The following ARID4B variants were observed in gnomAD, a reference collection of about 807,000 sequenced individuals.
ARID4B encodes AT-rich interaction domain 4B.
ARID4B carries 26 observed loss-of-function variants against 147.5 expected under a neutral mutation model. That is an observed-to-expected ratio of 0.18 (90% CI 0.13 to 0.24). The LOEUF is 0.24. ARID4B is among the 10% of genes least tolerant of loss of function. ARID4B has a pLI of 1.00. For missense variants in ARID4B, 1,179 were observed against 1,511.5 expected (o/e 0.78, Z 3.65); for synonymous variants, 512 against 507.9 (o/e 1.01, Z -0.11).
chr1:235,198,418 T>C (rs1258711227), intron 17 of ARID4B, among the ~76,000 whole-genome samples: 1 of 152,208 alleles, frequency 6.6e-6, no homozygotes, highest in Admixed American at 6.5e-5. Context: ...TACTGCCTCA[T>C]GGGTAAGGCC....
chr1:235,321,555 G>C (rs1029392934), intron 2 of ARID4B, among the ~76,000 whole-genome samples: 2 of 152,196 alleles, frequency 1.3e-5, no homozygotes, highest in Non-Finnish European at 2.9e-5. Flanking sequence ...GCCCAGGCTG[G>C]AGTGCAGTGG....
intron 1 of ARID4B, chr1:235,327,549 C>T (rs1354329207): frequency 6.6e-6 from 1 of 152,212 alleles, no homozygotes; most frequent in African/African-American, 2.4e-5. Flanking sequence ...TGCCCGGGCC[C>T]CCGACCGCGG....
intron 2 of ARID4B, among the ~76,000 whole-genome samples, chr1:235,288,124 A>G (rs185362001): frequency 1.2e-3 from 178 of 152,360 alleles, no homozygotes; most frequent in African/African-American, 4.2e-3. Flanking sequence ...AGGCTGGCCA[A>G]CATGGCGAAA....
At chr1:235,277,546 A>T (rs1216644456) in intron 2 of ARID4B, among the ~76,000 whole-genome samples, 21 of 141,284 alleles carry the variant, frequency 1.5e-4, no homozygotes, top group Middle Eastern at 3.6e-3. Flanking sequence ...CAAAAAAAAA[A>T]AAAAATAATA....
At chr1:235,283,356 C>T (rs557329403) in intron 2 of ARID4B, among the ~76,000 whole-genome samples, 1 of 152,190 alleles carries the variant, frequency 6.6e-6, no homozygotes, top group Admixed American at 6.5e-5. Flanking sequence ...ATAAACTTAC[C>T]TACTAATTCA....
intron 2 of ARID4B, among the ~76,000 whole-genome samples, chr1:235,323,040 CTTT>C (rs779535005): frequency 1.4e-4 from 20 of 139,252 alleles, no homozygotes; most frequent in African/African-American, 4.2e-4. Flanking sequence ...ATATAACCAC[CTTT>C]TTTTTTTTTT....
chr1:235,304,540 G>C (rs1230321762), intron 2 of ARID4B, among the ~76,000 whole-genome samples: 5 of 152,128 alleles, frequency 3.3e-5, no homozygotes, highest in Non-Finnish European at 5.9e-5. Context: ...GTATCTTAGA[G>C]ATTAAGACAG....
chr1:235,169,361 C>G (rs193260695), intron 23 of ARID4B, among the ~76,000 whole-genome samples: 76 of 151,648 alleles, frequency 5.0e-4, no homozygotes, highest in Admixed American at 4.7e-3. Context: ...CTGCCTCAGC[C>G]CCCCCAGTAG....
At chr1:235,296,723 G>A (rs1285985330) in intron 2 of ARID4B, among the ~76,000 whole-genome samples, 5 of 147,474 alleles carry the variant, frequency 3.4e-5, no homozygotes, top group Admixed American at 6.9e-5. Flanking sequence ...GCCTCCCAGA[G>A]TGCTTAGGTT....
At chr1:235,321,019 T>C (rs1427469972) in intron 2 of ARID4B, among the ~76,000 whole-genome samples, 2 of 152,152 alleles carry the variant, frequency 1.3e-5, no homozygotes, top group African/African-American at 4.8e-5. Context: ...TAGTAGAAAG[T>C]AAACTCCACG....
At chr1:235,221,884 C>CTTTTTTTTTTTTT (rs1370136402) in intron 13 of ARID4B, among the ~76,000 whole-genome samples, 1 of 78,552 alleles carries the variant, frequency 1.3e-5, no homozygotes. Flanking sequence ...AGTCATTTGA[C>CTTTTTTTTTTTTT]TATTTTTTTT....
intron 17 of ARID4B, among the ~76,000 whole-genome samples, chr1:235,211,707 C>T (rs1354677986): frequency 6.6e-6 from 1 of 152,134 alleles, no homozygotes; most frequent in African/African-American, 2.4e-5. Context: ...GTAGCTGGGA[C>T]TACAGGCATG....
intron 2 of ARID4B, among the ~76,000 whole-genome samples, chr1:235,320,389 T>C (rs933875648): frequency 1.3e-5 from 2 of 152,044 alleles, no homozygotes; most frequent in Non-Finnish European, 2.9e-5. Context: ...ACCCAATCCA[T>C]TGAAATCCAA....
At chr1:235,192,087 C>CA (rs1408546402) in intron 19 of ARID4B, among the ~76,000 whole-genome samples, 3 of 151,676 alleles carry the variant, frequency 2.0e-5, no homozygotes, top group East Asian at 3.9e-4. Flanking sequence ...AAAAACAAAA[C>CA]AAAAAAACAC....
chr1:235,263,264 T>C (rs1670399354), intron 2 of ARID4B, among the ~76,000 whole-genome samples: 1 of 152,242 alleles, frequency 6.6e-6, no homozygotes, highest in Non-Finnish European at 1.5e-5. Flanking sequence ...TGCATATTTG[T>C]ACCTACTGAG....
At chr1:235,207,450 T>C (rs1386785839) in intron 17 of ARID4B, among the ~76,000 whole-genome samples, 1 of 152,086 alleles carries the variant, frequency 6.6e-6, no homozygotes, top group African/African-American at 2.4e-5. Context: ...TTTTGTCAGA[T>C]GAGTACTATA....
At chr1:235,269,847 TA>T (rs2103139988) in intron 2 of ARID4B, among the ~76,000 whole-genome samples, 1 of 152,314 alleles carries the variant, frequency 6.6e-6, no homozygotes, top group African/African-American at 2.4e-5. Flanking sequence ...TGTAAAGTAA[TA>T]TATATTTATT....
intron 20 of ARID4B, chr1:235,180,137 CTTTTT>C (rs1166842959): frequency 0.29 from 28,271 of 98,156 alleles, 3,865 homozygotes; most frequent in South Asian, 0.52. Flanking sequence ...CTTGTTTTTT[CTTTTT>C]TTTTTTTTTT....
In ARID4B at chr1:235,174,779, T is replaced by A. The variant is rs565713280; in HGVS notation, c.3664+405A>T. On this transcript the variant is annotated intron_variant, in intron 22 of 23. Transcript: ENST00000264183. ...GTGAGCAGAGACTATGCCACTGCAC[T>A]GCACTCTAGCCTGGGCGACAGAGAG... 6.7e-4 allele frequency among the ~76,000 whole-genome samples: 101 copies of A among 151,786 alleles called. 1 individual carries two copies. Among genetic ancestry groups the A allele is most frequent in the Non-Finnish European group, 4.1e-4 (28 of 67,908 alleles).
Sources: gnomAD v4.1 joint callset for allele counts (sites outside exome capture counted in the v4.1 genomes callset) on GRCh38, gnomAD v4.1.1 for gene constraint, MANE v1.5 for transcripts, NCBI Gene and HGNC (gene_info 2026-07-23, HGNC 2026-07-21) for gene names.